The following ATP6V1C2 variants were observed in gnomAD, a reference collection of about 807,000 sequenced individuals.
ATP6V1C2 encodes V-type proton ATPase subunit C 2.
In ATP6V1C2, 45 loss-of-function variants were observed where a neutral mutation model predicts 56.8. The ratio of observed to expected loss-of-function variants is 0.79; its 90% CI spans 0.62 to 1.02. The LOEUF (loss-of-function observed/expected upper bound fraction) is 1.02. ATP6V1C2 is among the 50% of genes least tolerant of loss of function. The pLI, the probability that ATP6V1C2 is intolerant of heterozygous loss-of-function variation, is 0.00. For missense variants in ATP6V1C2, 463 were observed against 519.7 expected (o/e 0.89, Z 1.06); for synonymous variants, 220 against 201.3 (o/e 1.09, Z -0.79).
In ATP6V1C2 at chr2:10,777,717, G is replaced by A; in HGVS notation, c.958G>A (p.Gly320Ser). 1.9e-6 allele frequency: 3 copies of A among 1,609,994 alleles called. No homozygotes were observed. The South Asian group carries it at 3.3e-5, about 18-fold the overall frequency. Residue 320 changes from glycine to serine, a missense_variant, in exon 11 of 14, where the codon GGT becomes AGT. By Grantham distance (56) the Gly-to-Ser change is moderately conservative. Transcript: ENST00000272238. ...CAGAGAGAGAGAGAGTGAGGGCGAGGGTGAGGTAAGCAACGCCCCGGGAAC... is the reference window on the plus strand; with the variant it reads ...CAGAGAGAGAGAGAGTGAGGGCGAGAGTGAGGTAAGCAACGCCCCGGGAAC... ...TDRERESEGE[G>S]EGPLLRWLKV...
chr2:10,733,251 T>G (rs991657135), intron 3 of ATP6V1C2, among the ~76,000 whole-genome samples: 1 of 151,866 alleles, frequency 6.6e-6, no homozygotes, highest in African/African-American at 2.4e-5. Context: ...GTGTTGGGAG[T>G]TGGTAGAGGT....
In ATP6V1C2 at chr2:10,780,890, G is replaced by A. The variant is rs189208801; in HGVS notation, c.1062-1353G>A. Among the ~76,000 whole-genome samples, 1,231 of 152,130 alleles carry A rather than the reference G, an allele frequency of 8.1e-3. 12 individuals carry two copies. Among genetic ancestry groups the A allele is most frequent in the Non-Finnish European group, 0.013 (865 of 67,978 alleles). On this transcript the variant is annotated intron_variant, in intron 12 of 13. Coordinates refer to ENST00000272238, the MANE Select transcript of ATP6V1C2 (RefSeq NM_001039362.2). This position sits in a 1 kb window ranked among gnomAD's most constrained non-coding sequence, Gnocchi z 4.1. ...TCCCCTAGTAGCTGGGATTACAGGCGTGCACCACCACGCCCAGCTAATTTT... is the reference window on the plus strand; with the variant it reads ...TCCCCTAGTAGCTGGGATTACAGGCATGCACCACCACGCCCAGCTAATTTT...
chr2:10,745,977 G>A (rs1282821124), intron 3 of ATP6V1C2, among the ~76,000 whole-genome samples: 9 of 152,128 alleles, frequency 5.9e-5, no homozygotes, highest in Admixed American at 5.9e-4. Context: ...CGCATCGTAT[G>A]GACACACCAC....
intron 3 of ATP6V1C2, among the ~76,000 whole-genome samples, chr2:10,750,893 G>C (rs561990987): frequency 1.2e-4 from 18 of 152,178 alleles, no homozygotes; most frequent in African/African-American, 4.3e-4. Flanking sequence ...AACAGTGCTT[G>C]GCGCATAGTA....
In ATP6V1C2 at chr2:10,783,274, T is replaced by C; in HGVS notation, c.*11T>C. On this transcript the variant is annotated 3_prime_UTR_variant, in exon 14 of 14. Transcript: ENST00000272238. Reference sequence around the variant, plus strand: ...AGTCTTCTTGACTAGAAAGGCCAGCTGGCACCTCTGTCTCATGTTCGTGCA... The same window carrying C: ...AGTCTTCTTGACTAGAAAGGCCAGCCGGCACCTCTGTCTCATGTTCGTGCA... 1 of 1,574,644 alleles carries C rather than the reference T, an allele frequency of 6.4e-7. No homozygotes were observed. Among genetic ancestry groups the C allele is most frequent in the South Asian group, 1.1e-5 (1 of 90,156 alleles).
chr2:10,784,078 A>G lies in ATP6V1C2; in HGVS notation c.*815A>G, dbSNP rs929164594. On this transcript the variant is annotated 3_prime_UTR_variant, in exon 14 of 14. Transcript: ENST00000272238. ...CTACAACAATTCATAGAATTTTTCA[A>G]TGTTTTCTTGAGATGCAAAAGTTCA... 3.6e-5 allele frequency: 16 copies of G among 440,352 alleles called. No homozygotes were observed. The highest frequency in any genetic ancestry group is 2.8e-4 in the African/African-American group (14 of 49,962). The allele number at this position is 440,352 out of a possible 1,614,324, so 27.3% of individuals were successfully genotyped here.
chr2:10,728,962 CAAA>C lies in ATP6V1C2; in HGVS notation c.197+2410_197+2412del, dbSNP rs1282538752. On this transcript the variant is annotated intron_variant, in intron 3 of 13. Transcript: ENST00000272238. ...GACCATCCTGGCCAACATGAAAATACAAAAAAAAAAAAAAAAAAATAGTTGGGT... is the reference window on the plus strand; with the variant it reads ...GACCATCCTGGCCAACATGAAAATACAAAAAAAAAAAAAAAATAGTTGGGT... Among the ~76,000 whole-genome samples the C allele has an allele frequency of 6.8e-3, 771 of 112,738 alleles. 5 individuals are homozygous for C. The highest frequency in any genetic ancestry group is 0.022 in the African/African-American group (660 of 29,772). The allele number at this position is 112,738 out of a possible 152,430, so 74.0% of individuals were successfully genotyped here. A position where few individuals can be genotyped will look rare whatever the true frequency, so the allele number is the denominator to read the frequency against.
intron 6 of ATP6V1C2, 89 bp from the exon 7 acceptor site, chr2:10,771,750 C>A: frequency 4.1e-6 from 4 of 968,536 alleles, no homozygotes; most frequent in Non-Finnish European, 6.6e-6. Context: ...TTGAGAACTG[C>A]CCCCAGTGCC....
intron 4 of ATP6V1C2, among the ~76,000 whole-genome samples, chr2:10,760,410 TC>T (rs1484806744): frequency 2.7e-5 from 4 of 150,648 alleles, no homozygotes; most frequent in African/African-American, 9.7e-5. Context: ...CAGAGGGCCG[TC>T]CTCAGACAAC....
At position 10,777,713 on chromosome 2, in the gene ATP6V1C2, C is replaced by G. The variant is rs1019971944; in HGVS notation, c.954C>G (p.Gly318=). The G allele has an allele frequency of 6.2e-7, 1 of 1,611,526 alleles. No individual in the cohort carries two copies. Among genetic ancestry groups the G allele is most frequent in the Non-Finnish European group, 8.5e-7 (1 of 1,179,356 alleles). ...GQTDRERESE[G]EGEGPLLRWL... ...CCGACAGAGAGAGAGAGAGTGAGGG[C>G]GAGGGTGAGGTAAGCAACGCCCCGG... Residue 318 remains glycine (G), a synonymous_variant, in exon 11 of 14, where the codon GGC becomes GGG. Transcript: ENST00000272238.
chr2:10,768,763 C>T lies in ATP6V1C2; in HGVS notation c.423C>T (p.Ala141=). The change falls in exon 6 of 14, where the codon GCC becomes GCT. Residue 141 remains alanine (A), a synonymous_variant. Coordinates refer to ENST00000272238, the MANE Select transcript of ATP6V1C2 (RefSeq NM_001039362.2). ...TGGACCTGAAGTCCCGAACGGCCGC[C>T]TACAACACTCTGAAGACAAACCTGG... ...IEMDLKSRTA[A]YNTLKTNLEN... is the part of the protein sequence containing the mutation. 6.2e-7 allele frequency: 1 copy of T among 1,614,046 alleles called. No homozygotes were observed.
At chr2:10,782,163 T>G in intron 12 of ATP6V1C2, 80 bp from the exon 13 acceptor site, 1 of 1,527,742 alleles carries the variant, frequency 6.5e-7, no homozygotes, top group Non-Finnish European at 8.9e-7. Flanking sequence ...ACCCTCGGAA[T>G]GTACTGTTTC....
intron 3 of ATP6V1C2, 67 bp downstream of exon 3, chr2:10,726,636 C>T: frequency 7.0e-7 from 1 of 1,429,448 alleles, no homozygotes. Flanking sequence ...ACACAGTGTT[C>T]TTGCTTTGGC....
At position 10,742,860 on chromosome 2, in the gene ATP6V1C2, C is replaced by T. The variant is rs147620783; in HGVS notation, c.198-11121C>T. Among the ~76,000 whole-genome samples the T allele has an allele frequency of 7.2e-5, 11 of 152,286 alleles. No individual in the cohort carries two copies. In the East Asian group the frequency reaches 1.7e-3, roughly 24 times the overall value. On this transcript the variant is annotated intron_variant, in intron 3 of 13. Transcript: ENST00000272238. ...CAGGCAGATTTGTGAAGCTCCTGGGCGGCCCCTTCTCGCCTGATCCCCCAC... is the reference window on the plus strand; with the variant it reads ...CAGGCAGATTTGTGAAGCTCCTGGGTGGCCCCTTCTCGCCTGATCCCCCAC...
intron 3 of ATP6V1C2, among the ~76,000 whole-genome samples, chr2:10,746,149 G>A (rs1662899345): frequency 6.6e-6 from 1 of 151,738 alleles, no homozygotes; most frequent in African/African-American, 2.4e-5. Context: ...ACAGGTGTGT[G>A]CCACCACACC....
rs745628657 is a variant in ATP6V1C2 at position 10,774,792 on chromosome 2, A to G, written c.643A>G (p.Ile215Val). 8 of 1,613,948 alleles carry G rather than the reference A, an allele frequency of 5.0e-6. No individual in the cohort carries two copies. The highest frequency in any genetic ancestry group is 6.8e-6 in the Non-Finnish European group (8 of 1,179,810). Residue 215 changes from isoleucine to valine, a missense_variant, in exon 9 of 14, where the codon ATT becomes GTT. Physicochemically the swap from Ile to Val is conservative, Grantham distance 29. Transcript: ENST00000272238. ...DMVVPRSTKL[I>V]TEDKEGGLFT... ...ACAGATGCTTCTCTCCAACAGACTC[A>G]TTACTGAGGACAAGGAAGGGGGCCT...
intron 5 of ATP6V1C2, among the ~76,000 whole-genome samples, chr2:10,764,998 T>G (rs986218808): frequency 8.6e-5 from 13 of 151,040 alleles, no homozygotes; most frequent in Admixed American, 6.6e-4. Flanking sequence ...AAGTTACTGA[T>G]GGTGAAGGCA....
chr2:10,756,657 G>T (rs192899730), intron 4 of ATP6V1C2, among the ~76,000 whole-genome samples: 47 of 152,288 alleles, frequency 3.1e-4, no homozygotes, highest in Admixed American at 1.9e-3. Context: ...GGCGGAGGTT[G>T]CAGTGAGCCG....
intron 12 of ATP6V1C2, among the ~76,000 whole-genome samples, chr2:10,781,849 T>C (rs948475625): frequency 1.3e-5 from 2 of 152,164 alleles, no homozygotes; most frequent in Non-Finnish European, 2.9e-5. Context: ...TCAGCGAAAA[T>C]AGTAACAATC....
Sources: gnomAD v4.1 joint callset for allele counts (sites outside exome capture counted in the v4.1 genomes callset) on GRCh38, gnomAD v4.1.1 for gene constraint, Gnocchi (gnomAD v3.1) non-coding constraint, MANE v1.5 for transcripts, NCBI Gene and HGNC (gene_info 2026-07-23, HGNC 2026-07-21) for gene names.